PCDHGA11: variants seen among roughly 807,000 people sequenced by gnomAD.
The protein encoded by PCDHGA11 is protocadherin gamma subfamily A, 11, also known as protocadherin gamma-A11.
PCDHGA11 carries 39 observed loss-of-function variants against 60.4 expected under a neutral mutation model. That is an observed-to-expected ratio of 0.65 (90% CI 0.50 to 0.84). The LOEUF (loss-of-function observed/expected upper bound fraction) is 0.84, where lower values mean the gene tolerates loss of function less well. Ranked by LOEUF, PCDHGA11 falls within the 40% of genes least tolerant of loss-of-function variation. The pLI, the probability that PCDHGA11 is intolerant of heterozygous loss-of-function variation, is 0.00. For missense variants in PCDHGA11, 1,165 were observed against 1,197.7 expected (o/e 0.97, Z 0.40); for synonymous variants, 533 against 510.3 (o/e 1.04, Z -0.60).
At chr5:141,481,649 C>G (rs1199734660) in intron 1 of PCDHGA11, among the ~76,000 whole-genome samples, 1 of 152,012 alleles carries the variant, frequency 6.6e-6, no homozygotes, top group African/African-American at 2.4e-5. Flanking sequence ...GAAACTTCAT[C>G]TCTACTAATA....
At chr5:141,454,249 C>T (rs1215688507) in intron 1 of PCDHGA11, among the ~76,000 whole-genome samples, 3 of 152,192 alleles carry the variant, frequency 2.0e-5, no homozygotes, top group Non-Finnish European at 4.4e-5. Context: ...ATGAAGATGT[C>T]CCAGAGAAAG....
rs374154790 is a variant in PCDHGA11, at chr5:141,490,709, C to A, written c.2434-4098C>A. The A allele has an allele frequency of 3.2e-5, 52 of 1,614,218 alleles. No homozygotes were observed. In the African/African-American group the frequency reaches 6.3e-4, roughly 19 times the overall value. On this transcript the variant is annotated intron_variant, in intron 1 of 3. Coordinates refer to ENST00000398587, the MANE Select transcript of PCDHGA11 (RefSeq NM_018914.3). The surrounding 1 kb of genome is among the most constrained non-coding windows in gnomAD (Gnocchi z 5.4). ...GACACTGGGGATAATGCCCGCCTCA[C>A]CTACTCCATTGTAGGAAATCAGGTT...
intron 1 of PCDHGA11, among the ~76,000 whole-genome samples, chr5:141,475,620 G>A (rs2154572702): frequency 6.6e-6 from 1 of 152,238 alleles, no homozygotes; most frequent in Admixed American, 6.5e-5. Flanking sequence ...TTTTCGGTTT[G>A]GTTCGATCCC....
At position 141,470,736 on chromosome 5, in the gene PCDHGA11, C is replaced by T. The variant is rs541510544; in HGVS notation, c.2434-24071C>T. ...TTTTTGAGTCAGGGTCTTGCTCTGT[C>T]GCCCTGGCTGGAGTGCAGTGGACTC... On this transcript the variant is annotated intron_variant, in intron 1 of 3. Coordinates refer to ENST00000398587, the MANE Select transcript of PCDHGA11 (RefSeq NM_018914.3). Among the ~76,000 whole-genome samples, 104 of 152,208 alleles carry T rather than the reference C, an allele frequency of 6.8e-4. 2 individuals carry two copies. Among genetic ancestry groups the T allele is most frequent in the African/African-American group, 2.4e-3 (98 of 41,522 alleles).
chr5:141,433,347 CCTA>C, intron 1 of PCDHGA11: 1 of 626,716 alleles, frequency 1.6e-6, no homozygotes, highest in South Asian at 2.0e-5. Flanking sequence ...GTGCAAGCCA[CCTA>C]CTGTCTGCCT....
chr5:141,435,855 G>A (rs1164301394), intron 1 of PCDHGA11, among the ~76,000 whole-genome samples: 1 of 152,006 alleles, frequency 6.6e-6, no homozygotes, highest in Non-Finnish European at 1.5e-5. Flanking sequence ...AGATACAATA[G>A]TTAAAACCCA....
chr5:141,447,226 G>A (rs746777844), intron 1 of PCDHGA11, among the ~76,000 whole-genome samples: 1 of 151,910 alleles, frequency 6.6e-6, no homozygotes, highest in Non-Finnish European at 1.5e-5. Context: ...TGCAACCTCC[G>A]CCTCCCGGGT....
chr5:141,453,752 T>C (rs1404363977), intron 1 of PCDHGA11, among the ~76,000 whole-genome samples: 10 of 152,364 alleles, frequency 6.6e-5, no homozygotes, highest in Admixed American at 5.9e-4. Flanking sequence ...AACATAAGTC[T>C]CCTAAAAATA....
intron 1 of PCDHGA11, among the ~76,000 whole-genome samples, chr5:141,466,637 A>G (rs944728391): frequency 1.1e-4 from 16 of 152,234 alleles, no homozygotes; most frequent in Admixed American, 8.5e-4. Flanking sequence ...CATTGTCTCC[A>G]TAAACTTTTC....
chr5:141,421,632 G>A lies in PCDHGA11; in HGVS notation c.405G>A (p.Gln135=), dbSNP rs2096589368. ...IDINDNAPSF[Q]EDEVEIKVSE... is the part of the protein sequence containing the mutation. The stretch of plus-strand genomic sequence containing the variant: ...TTAATGATAACGCCCCCAGCTTCCA[G>A]GAGGACGAAGTGGAGATAAAAGTCA... Residue 135 remains glutamine (Q), a synonymous_variant, in exon 1 of 4, where the codon CAG becomes CAA. Coordinates refer to ENST00000398587, the MANE Select transcript of PCDHGA11 (RefSeq NM_018914.3). 6.2e-7 allele frequency: 1 copy of A among 1,613,846 alleles called. No individual in the cohort carries two copies. The highest frequency in any genetic ancestry group is 1.1e-5 in the South Asian group (1 of 91,066).
rs780383828 is a variant in PCDHGA11, at chr5:141,422,708, A to G, written c.1481A>G (p.Asp494Gly). ...GCCCTGGTCACTTACTCTCTGACGGATGACACTGTCCAGGGGGTGCCTCTG... is the reference window on the plus strand; with the variant it reads ...GCCCTGGTCACTTACTCTCTGACGGGTGACACTGTCCAGGGGGTGCCTCTG... ...QNALVTYSLTDDTVQGVPLSS... is the reference protein window; with the variant it reads ...QNALVTYSLTGDTVQGVPLSS... Residue 494 changes from aspartate (D) to glycine (G), a missense_variant, in exon 1 of 4, where the codon GAT (aspartate) becomes GGT (glycine). Transcript: ENST00000398587. 28 of 1,603,464 alleles carry G rather than the reference A, an allele frequency of 1.7e-5. No individual in the cohort carries two copies. The East Asian group carries it at 3.8e-4, about 22-fold the overall frequency.
chr5:141,432,079 G>A lies in PCDHGA11; in HGVS notation c.2433+8419G>A, dbSNP rs138510025. On this transcript the variant is annotated intron_variant, in intron 1 of 3. Transcript: ENST00000398587. The surrounding 1 kb of genome is among the most constrained non-coding windows in gnomAD (Gnocchi z 6.0). ...TATCCACGGAAACTCATATCTCGCT[G>A]AACGTGGCAGACACCAACGACAACC... 1.6e-4 allele frequency: 252 copies of A among 1,614,054 alleles called. No homozygotes were observed. The highest frequency in any genetic ancestry group is 8.1e-5 in the Non-Finnish European group (96 of 1,180,048).
At chr5:141,508,737 C>G (rs919094477) in intron 3 of PCDHGA11, among the ~76,000 whole-genome samples, 2 of 152,010 alleles carry the variant, frequency 1.3e-5, no homozygotes, top group Non-Finnish European at 2.9e-5. Flanking sequence ...CTACACCCCC[C>G]ACCCCGCTCT....
chr5:141,508,535 C>A (rs1294413041), intron 3 of PCDHGA11, among the ~76,000 whole-genome samples: 1 of 152,172 alleles, frequency 6.6e-6, no homozygotes, highest in Non-Finnish European at 1.5e-5. Context: ...GGGCACCCCC[C>A]ACGAGGTGGG....
intron 1 of PCDHGA11, among the ~76,000 whole-genome samples, chr5:141,472,688 A>G (rs970538300): frequency 2.0e-5 from 3 of 151,384 alleles, no homozygotes; most frequent in African/African-American, 7.3e-5. Context: ...CATTTCCCCT[A>G]GAAATAAGTG....
rs1422052114 is a variant in PCDHGA11, at chr5:141,511,168, A to T, written c.2803A>T (p.Lys935Ter). The change falls in exon 4 of 4, where the codon AAG (lysine) becomes TAG (stop). Residue 935 changes from lysine to a stop codon, truncating the protein, a stop_gained. Coordinates refer to ENST00000398587, the MANE Select transcript of PCDHGA11 (RefSeq NM_018914.3). LOFTEE classifies it high-confidence loss of function. ...GAAGAAGTCGGGCAAGAAGGAGAAG[A>T]AGTAACATGGAGGCCAGGCCAAGAG... is the stretch of plus-strand genomic sequence containing the variant. The part of the protein sequence containing the change: ...NKKKSGKKEK[K>*] 1.4e-5 allele frequency: 22 copies of T among 1,614,038 alleles called. No individual in the cohort carries two copies. The highest frequency in any genetic ancestry group is 1.7e-5 in the Non-Finnish European group (20 of 1,180,008).
chr5:141,465,273 G>A (rs949271610), intron 1 of PCDHGA11, among the ~76,000 whole-genome samples: 1 of 152,068 alleles, frequency 6.6e-6, no homozygotes, highest in Non-Finnish European at 1.5e-5. Context: ...TAGCCATTTA[G>A]TTCACCCCTA....
intron 1 of PCDHGA11, chr5:141,427,630 T>C (rs1043983899): frequency 2.8e-6 from 2 of 702,530 alleles, no homozygotes; most frequent in African/African-American, 1.7e-5. Context: ...AATGCTCCGG[T>C]TTTCCACCAA....
chr5:141,503,912 AAC>A lies in PCDHGA11; in HGVS notation c.2493-1471_2493-1470del, dbSNP rs34419983. Among the ~76,000 whole-genome samples, 284 of 152,278 alleles carry A rather than the reference AAC, an allele frequency of 1.9e-3. 1 individual carries two copies. The highest frequency in any genetic ancestry group is 0.014 in the Middle Eastern group (4 of 292). Reference sequence around the variant, plus strand: ...GACAAAATATGCACACACACAACGCAACACACACACAGACATTTTCATGCCTT... The same window carrying A: ...GACAAAATATGCACACACACAACGCAACACACACAGACATTTTCATGCCTT... On this transcript the variant is annotated intron_variant, in intron 2 of 3. Coordinates refer to ENST00000398587, the MANE Select transcript of PCDHGA11 (RefSeq NM_018914.3).
Sources: allele counts gnomAD v4.1 joint callset (sites outside exome capture counted in the v4.1 genomes callset), GRCh38; gene constraint gnomAD v4.1.1; non-coding constraint Gnocchi (gnomAD v3.1); transcripts MANE v1.5; gene names NCBI Gene and HGNC (gene_info 2026-07-23, HGNC 2026-07-21).